The following ADGRA3 variants were observed in gnomAD, a reference collection of about 807,000 sequenced individuals.
The protein encoded by ADGRA3 is G-protein coupled receptor 125.
ADGRA3 carries 56 observed loss-of-function variants against 119.8 expected under a neutral mutation model. The observed-to-expected ratio is 0.47, with a 90% CI of 0.38 to 0.58. The LOEUF (loss-of-function observed/expected upper bound fraction) is 0.58, where lower values mean the gene tolerates loss of function less well. ADGRA3 is among the 20% of genes least tolerant of loss of function. The probability of loss-of-function intolerance (pLI) is 0.00; values close to 1 mark genes in which losing one functional copy is unlikely to be tolerated. For missense variants in ADGRA3, 1,516 were observed against 1,649.0 expected (o/e 0.92, Z 1.40); for synonymous variants, 607 against 623.8 (o/e 0.97, Z 0.40).
chr4:22,471,891 T>C (rs1717868698), intron 2 of ADGRA3, among the ~76,000 whole-genome samples: 1 of 152,126 alleles, frequency 6.6e-6, no homozygotes, highest in African/African-American at 2.4e-5. Context: ...GTTTCTAACA[T>C]GTACAGAGAT....
At chr4:22,505,904 A>G (rs1170892861) in intron 1 of ADGRA3, among the ~76,000 whole-genome samples, 2 of 152,202 alleles carry the variant, frequency 1.3e-5, no homozygotes, top group African/African-American at 4.8e-5. Flanking sequence ...AGTCACATAC[A>G]TCCACAACCA....
chr4:22,504,230 T>C (rs966902961), intron 1 of ADGRA3, among the ~76,000 whole-genome samples: 13 of 147,788 alleles, frequency 8.8e-5, no homozygotes, highest in Admixed American at 5.4e-4. Flanking sequence ...GAAGGCAAAA[T>C]AGGGGAAAGA....
chr4:22,447,461 TA>T lies in ADGRA3; in HGVS notation c.523del (p.Tyr175IlefsTer28). On this transcript the variant is annotated frameshift_variant, in exon 5 of 19. Transcript: ENST00000334304. LOFTEE classifies it high-confidence loss of function. The part of the protein sequence containing the change: ...FSSLSQGTFD[Y>X]LASLRSLEFQ... ...TTACAAAGACCGTAATGACGCAAGATAATCAAAAGTTCCTTGAGATAATGAA... is the reference window on the plus strand; with the variant it reads ...TTACAAAGACCGTAATGACGCAAGATATCAAAAGTTCCTTGAGATAATGAA... 1 of 1,573,764 alleles carries T rather than the reference TA, an allele frequency of 6.4e-7. No homozygotes were observed. The highest frequency in any genetic ancestry group is 1.4e-5 in the African/African-American group (1 of 72,650).
intron 2 of ADGRA3, among the ~76,000 whole-genome samples, chr4:22,465,827 A>G (rs182231783): frequency 1.4e-3 from 219 of 152,334 alleles, no homozygotes; most frequent in African/African-American, 5.0e-3. Context: ...CAGGTAAACC[A>G]AACACACTGA....
chr4:22,515,444 C>T, intron 1 of ADGRA3, 84 bp downstream of exon 1: 4 of 1,486,386 alleles, frequency 2.7e-6, no homozygotes, highest in Non-Finnish European at 3.6e-6. Context: ...CGCGTGGGTG[C>T]CGGCTGGACC....
chr4:22,461,910 T>C, intron 2 of ADGRA3, 102 bp from the exon 3 acceptor site: 1 of 659,544 alleles, frequency 1.5e-6, no homozygotes, highest in Non-Finnish European at 2.5e-6. Context: ...AGTATAATAA[T>C]AAGAGGAGGA....
chr4:22,515,460 C>A, intron 1 of ADGRA3, 68 bp downstream of exon 1: 1 of 1,558,074 alleles, frequency 6.4e-7, no homozygotes, highest in South Asian at 1.2e-5. Context: ...GGACCCTGCT[C>A]CAAAGTTGAG....
chr4:22,498,550 G>A (rs1238199188), intron 1 of ADGRA3, among the ~76,000 whole-genome samples: 5 of 152,028 alleles, frequency 3.3e-5, no homozygotes, highest in Non-Finnish European at 5.9e-5. Flanking sequence ...CCAGGAAGGC[G>A]GAGGTTGTAG....
At chr4:22,465,165 T>C (rs533424491) in intron 2 of ADGRA3, among the ~76,000 whole-genome samples, 3 of 152,308 alleles carry the variant, frequency 2.0e-5, no homozygotes, top group South Asian at 2.1e-4. Context: ...ACTATAATTA[T>C]TGCTATCAAT....
At chr4:22,487,457 G>A (rs1718470323) in intron 1 of ADGRA3, among the ~76,000 whole-genome samples, 1 of 152,126 alleles carries the variant, frequency 6.6e-6, no homozygotes, top group South Asian at 2.1e-4. Context: ...ACAGGTGGTG[G>A]AGCTCAGGCA....
At chr4:22,460,296 A>C (rs547841061) in intron 3 of ADGRA3, among the ~76,000 whole-genome samples, 1 of 152,334 alleles carries the variant, frequency 6.6e-6, no homozygotes, top group East Asian at 1.9e-4. Flanking sequence ...TCATGTTGGC[A>C]TAAGGATTAT....
intron 16 of ADGRA3, chr4:22,393,588 A>C (rs1714228868): frequency 6.6e-6 from 1 of 152,202 alleles, no homozygotes; most frequent in South Asian, 2.1e-4. Context: ...GAGCAAAGTC[A>C]CGTAAGACCT....
At chr4:22,489,526 A>G (rs1208832067) in intron 1 of ADGRA3, among the ~76,000 whole-genome samples, 1 of 152,246 alleles carries the variant, frequency 6.6e-6, no homozygotes, top group Non-Finnish European at 1.5e-5. Flanking sequence ...ACATGAGCAA[A>G]AAAAATAACG....
At chr4:22,395,652 A>G (rs1292318855) in intron 16 of ADGRA3, among the ~76,000 whole-genome samples, 1 of 152,190 alleles carries the variant, frequency 6.6e-6, no homozygotes, top group African/African-American at 2.4e-5. Context: ...ACTAAGTACT[A>G]AAGCAGAGTG....
At chr4:22,500,410 G>C (rs1022899190) in intron 1 of ADGRA3, among the ~76,000 whole-genome samples, 1 of 152,170 alleles carries the variant, frequency 6.6e-6, no homozygotes, top group Non-Finnish European at 1.5e-5. Context: ...GAGGTTATGC[G>C]GGGAGCATTT....
At chr4:22,486,045 T>C (rs1718421705) in intron 1 of ADGRA3, among the ~76,000 whole-genome samples, 2 of 152,250 alleles carry the variant, frequency 1.3e-5, no homozygotes, top group South Asian at 2.1e-4. Flanking sequence ...CTTCTGTCTC[T>C]ATTGGGTTGT....
chr4:22,448,739 A>G (rs1716916528), intron 4 of ADGRA3, among the ~76,000 whole-genome samples: 1 of 152,178 alleles, frequency 6.6e-6, no homozygotes, highest in African/African-American at 2.4e-5. Flanking sequence ...CAGCAAGAAC[A>G]ACACTGGATT....
intron 17 of ADGRA3, among the ~76,000 whole-genome samples, chr4:22,389,515 T>C (rs946961308): frequency 6.6e-6 from 1 of 151,876 alleles, no homozygotes; most frequent in East Asian, 1.9e-4. Flanking sequence ...TTTTTTTTTT[T>C]GTAGCAGGAA....
intron 14 of ADGRA3, among the ~76,000 whole-genome samples, chr4:22,409,049 C>G (rs1715076220): frequency 6.6e-6 from 1 of 152,134 alleles, no homozygotes; most frequent in Admixed American, 6.5e-5. Context: ...ACAGGCCAAA[C>G]CTATCTATAG....
Sources: allele counts gnomAD v4.1 joint callset (sites outside exome capture counted in the v4.1 genomes callset), GRCh38; gene constraint gnomAD v4.1.1; transcripts MANE v1.5; gene names NCBI Gene and HGNC (gene_info 2026-07-23, HGNC 2026-07-21).